Variants in CRHR1 observed in about 807,000 individuals in gnomAD.
CRHR1 encodes corticotropin releasing hormone receptor 1, also known as corticotropin-releasing hormone receptor 1.
In CRHR1, 28 loss-of-function variants were observed where a neutral mutation model predicts 56.0. That is an observed-to-expected ratio of 0.50 (90% confidence interval 0.37 to 0.69). The LOEUF (loss-of-function observed/expected upper bound fraction) is 0.69, where lower values mean the gene tolerates loss of function less well. Among genes scored for constraint, CRHR1 ranks in the 30% least tolerant of loss-of-function variants. CRHR1 has a pLI of 0.00. For synonymous variants in CRHR1, 195 were observed against 216.5 expected, an observed-to-expected ratio of 0.90 and a Z score of 0.87; for missense variants, 376 against 548.0, an observed-to-expected ratio of 0.69 and a Z score of 3.13.
At chr17:45,829,744 G>A (rs2062251602) in intron 5 of CRHR1, 1 of 1,250,928 alleles carries the variant, frequency 8.0e-7, no homozygotes, top group African/African-American at 1.5e-5. Flanking sequence ...CTGGAGGCTG[G>A]GAGCAGGGCT....
At chr17:45,819,235 T>A (rs921901084) in intron 3 of CRHR1, among the ~76,000 whole-genome samples, 13 of 152,216 alleles carry the variant, frequency 8.5e-5, no homozygotes, top group Non-Finnish European at 1.9e-4. Context: ...ACCTTGTGCA[T>A]GTTAACTAAA....
intron 2 of CRHR1, among the ~76,000 whole-genome samples, chr17:45,812,226 G>A (rs1415283003): frequency 1.3e-5 from 2 of 152,194 alleles, no homozygotes; most frequent in Non-Finnish European, 2.9e-5. Flanking sequence ...AAGTCTGTAC[G>A]TGTTCAGTAC....
At chr17:45,808,591 A>C (rs1463195680) in intron 2 of CRHR1, among the ~76,000 whole-genome samples, 1 of 152,204 alleles carries the variant, frequency 6.6e-6, no homozygotes, top group Non-Finnish European at 1.5e-5. Context: ...AATATTTCAC[A>C]AACTGTAAAC....
rs2062236888 is a variant in CRHR1, at chr17:45,829,231, A to G, written c.344A>G (p.His115Arg). 3.7e-6 allele frequency: 6 copies of G among 1,613,882 alleles called. No individual in the cohort carries two copies. Among genetic ancestry groups the G allele is most frequent in the African/African-American group, 1.3e-5 (1 of 74,932 alleles). ...ILNEEKKSKV[H>R]YHVAVIINYL... ...CTGCTCCAGAAAAAAAGCAAGGTGC[A>G]CTACCATGTCGCAGTCATCATCAAC... Residue 115 changes from histidine to arginine, a missense_variant, in exon 5 of 13, where the codon CAC becomes CGC. Around this residue, in one of 2 missense-constraint regions of CRHR1, gnomAD observed 369 missense variants for 519.5 expected, o/e 0.71. Transcript: ENST00000314537.
chr17:45,821,471 T>C (rs775061224), intron 4 of CRHR1, 31 bp downstream of exon 4: 1 of 1,595,492 alleles, frequency 6.3e-7, no homozygotes, highest in Non-Finnish European at 8.6e-7. Flanking sequence ...GCTGCCCATA[T>C]GGAGGGGAGT....
Position 45,833,730 on chromosome 17 carries a change from A to G in CRHR1, c.946A>G (p.Thr316Ala). 1 of 1,234,534 alleles carries G rather than the reference A, an allele frequency of 8.1e-7. No individual in the cohort carries two copies. Among genetic ancestry groups the G allele is most frequent in the Non-Finnish European group, 1.1e-6 (1 of 895,762 alleles). 76.5% of individuals were successfully genotyped at this position (1,234,534 alleles called of 1,614,324 possible). A position where few individuals can be genotyped will look rare whatever the true frequency, so the allele number is the denominator to read the frequency against. Residue 316 changes from threonine to alanine, a missense_variant, in exon 11 of 13, where the codon ACT becomes GCT. By Grantham distance (58) the Thr-to-Ala change is moderately conservative. This residue lies in a region of CRHR1 where 369 missense variants were observed against 519.5 expected (regional missense o/e 0.71). Coordinates refer to ENST00000314537, the MANE Select transcript of CRHR1 (RefSeq NM_004382.5). Reference sequence around the variant, plus strand: ...CCACCCCAGGAAGGCTGTGAAAGCCACTCTGGTGCTGCTGCCCCTCCTGGG... The same window carrying G: ...CCACCCCAGGAAGGCTGTGAAAGCCGCTCTGGTGCTGCTGCCCCTCCTGGG... ...TIQYRKAVKA[T>A]LVLLPLLGIT... is the part of the protein sequence containing the mutation.
At chr17:45,810,109 G>A (rs548808047) in intron 2 of CRHR1, among the ~76,000 whole-genome samples, 14 of 152,082 alleles carry the variant, frequency 9.2e-5, no homozygotes, top group Admixed American at 2.6e-4. Flanking sequence ...GTGAAACCCC[G>A]TCTCTACTAA....
At chr17:45,833,672 G>A in intron 10 of CRHR1, 42 bp from the exon 11 acceptor site, 1 of 1,603,010 alleles carries the variant, frequency 6.2e-7, no homozygotes, top group Admixed American at 1.7e-5. Flanking sequence ...CCCGTCCTGG[G>A]GTGGGCTGTG....
At chr17:45,791,977 C>A (rs1163009673) in intron 1 of CRHR1, among the ~76,000 whole-genome samples, 2 of 152,188 alleles carry the variant, frequency 1.3e-5, no homozygotes, top group Non-Finnish European at 2.9e-5. Flanking sequence ...CACCACCTCT[C>A]CTCTGAGCAT....
At chr17:45,834,523 CT>C in intron 12 of CRHR1, 100 bp from the exon 13 acceptor site, 1 of 1,410,848 alleles carries the variant, frequency 7.1e-7, no homozygotes, top group East Asian at 2.4e-5. Flanking sequence ...CTCAGCTGAC[CT>C]GCACAGCCGC....
rs149912462 is a variant in CRHR1 at position 45,796,173 on chromosome 17, G to A, written c.34-10837G>A. Among the ~76,000 whole-genome samples, 312 of 152,266 alleles carry A rather than the reference G, an allele frequency of 2.0e-3. 1 individual carries two copies. The highest frequency in any genetic ancestry group is 3.5e-3 in the Non-Finnish European group (240 of 68,020). Reference sequence around the variant, plus strand: ...GAGCACAGCTGATAGTGTCACCTGCGTAGCTGGTGTCTCTGCGGCTGTCCC... The same window carrying A: ...GAGCACAGCTGATAGTGTCACCTGCATAGCTGGTGTCTCTGCGGCTGTCCC... On this transcript the variant is annotated intron_variant, in intron 1 of 12. Transcript: ENST00000314537.
rs748953307 is a variant in CRHR1 at position 45,833,465 on chromosome 17, T to C, written c.857T>C (p.Phe286Ser). 8 of 1,613,968 alleles carry C rather than the reference T, an allele frequency of 5.0e-6. No individual in the cohort carries two copies. In the South Asian group the frequency reaches 6.6e-5, roughly 13 times the overall value. ...MILVLLINFI[F>S]LFNIVRILMT... ...CTCAAATTGCAGATCAATTTCATCT[T>C]CCTTTTCAACATCGTCCGCATCCTC... Residue 286 changes from phenylalanine to serine, a missense_variant, in exon 10 of 13, where the codon TTC becomes TCC. Around this residue, in one of 2 missense-constraint regions of CRHR1, gnomAD observed 369 missense variants for 519.5 expected, o/e 0.71. Transcript: ENST00000314537.
intron 1 of CRHR1, 72 bp from the exon 2 acceptor site, chr17:45,806,938 C>A: frequency 7.1e-7 from 1 of 1,402,884 alleles, no homozygotes; most frequent in Non-Finnish European, 1.0e-6. Context: ...TGCAGTTTTC[C>A]TGGGTGATGG....
At chr17:45,822,852 A>G (rs1057164635) in intron 4 of CRHR1, among the ~76,000 whole-genome samples, 2 of 150,430 alleles carry the variant, frequency 1.3e-5, no homozygotes, top group African/African-American at 4.9e-5. Context: ...ATTCCATTAA[A>G]AAAAAAAGTG....
chr17:45,814,639 C>G (rs917281010), intron 2 of CRHR1, among the ~76,000 whole-genome samples: 2 of 152,252 alleles, frequency 1.3e-5, no homozygotes, highest in Non-Finnish European at 2.9e-5. Flanking sequence ...AGCTCTCCCC[C>G]CAAGTCCCTG....
chr17:45,833,693 T>TGGGGGCCCCCCCCCCCCC, intron 10 of CRHR1, 21 bp from the exon 11 acceptor site: 3 of 1,571,592 alleles, frequency 1.9e-6, no homozygotes, highest in Non-Finnish European at 2.6e-6. Flanking sequence ...ACTCCGAGCC[T>TGGGGGCCCCCCCCCCCCC]CCCCACCCGC....
At chr17:45,796,805 T>G (rs2061525984) in intron 1 of CRHR1, among the ~76,000 whole-genome samples, 1 of 151,328 alleles carries the variant, frequency 6.6e-6, no homozygotes. Context: ...GGGAGGAAAA[T>G]GGAAGCCAGG....
At chr17:45,833,693 T>TGGGGGGGCCCCCCCC in intron 10 of CRHR1, 21 bp from the exon 11 acceptor site, 12 of 1,571,570 alleles carry the variant, frequency 7.6e-6, no homozygotes, top group Non-Finnish European at 1.0e-5. Flanking sequence ...ACTCCGAGCC[T>TGGGGGGGCCCCCCCC]CCCCACCCGC....
At chr17:45,833,560 A>G (rs1251165433) in intron 10 of CRHR1, 23 bp downstream of exon 10, 1 of 1,610,732 alleles carries the variant, frequency 6.2e-7, no homozygotes, top group Non-Finnish European at 8.5e-7. Context: ...CACCTTCCTC[A>G]GGCCTCCCCC....
Sources: gnomAD v4.1 joint callset for allele counts (sites outside exome capture counted in the v4.1 genomes callset) on GRCh38, gnomAD v4.1.1 for gene constraint, gnomAD v4.1.1 regional missense constraint, MANE v1.5 for transcripts, NCBI Gene and HGNC (gene_info 2026-07-23, HGNC 2026-07-21) for gene names.